The following CPB1 variants were observed in gnomAD, a reference collection of about 807,000 sequenced individuals.
CPB1 encodes the protein carboxypeptidase B.
A neutral mutation model predicts 51.4 loss-of-function variants in CPB1; 53 were observed. The ratio of observed to expected loss-of-function variants is 1.03; its 90% CI spans 0.83 to 1.30. CPB1 has a LOEUF of 1.30. Among genes scored for constraint, CPB1 ranks in the 50% most tolerant of loss-of-function variants. The pLI is 0.00. For missense variants in CPB1, 494 were observed against 516.2 expected, an observed-to-expected ratio of 0.96 and a Z score of 0.42; for synonymous variants, 189 against 186.9, an observed-to-expected ratio of 1.01 and a Z score of -0.09.
intron 2 of CPB1, among the ~76,000 whole-genome samples, chr3:148,831,908 T>C (rs1467842341): frequency 6.6e-6 from 1 of 152,204 alleles, no homozygotes; most frequent in African/African-American, 2.4e-5. Flanking sequence ...TCATATTTGG[T>C]GCATTGGTAA....
chr3:148,842,588 C>A (rs980007026), intron 6 of CPB1, among the ~76,000 whole-genome samples: 2 of 152,134 alleles, frequency 1.3e-5, no homozygotes, highest in Non-Finnish European at 2.9e-5. Flanking sequence ...AGAATTACAA[C>A]TAATATATGT....
chr3:148,837,480 GA>G lies in CPB1; in HGVS notation c.272+2875del, dbSNP rs35691600. Among the ~76,000 whole-genome samples the G allele has an allele frequency of 8.0e-3, 764 of 95,646 alleles. 4 individuals carry two copies. Among genetic ancestry groups the G allele is most frequent in the East Asian group, 0.017 (58 of 3,464 alleles). 62.7% of individuals were successfully genotyped at this position (95,646 alleles called of 152,430 possible). On this transcript the variant is annotated intron_variant, in intron 3 of 10. Transcript: ENST00000282957. ...AGTTATCTAATTTGCTTGTGTGTTAGAAAAAAAAAAAAAAAAAGGAGAAGTT... is the reference window on the plus strand; with the variant it reads ...AGTTATCTAATTTGCTTGTGTGTTAGAAAAAAAAAAAAAAAAGGAGAAGTT...
chr3:148,836,423 G>A (rs1409287083), intron 3 of CPB1, among the ~76,000 whole-genome samples: 1 of 152,096 alleles, frequency 6.6e-6, no homozygotes, highest in Non-Finnish European at 1.5e-5. Context: ...AAAAAGATGA[G>A]TTTCTTTGTA....
In CPB1 at chr3:148,860,148, G is replaced by T. The variant is rs984736618; in HGVS notation, c.*146G>T. On this transcript the variant is annotated 3_prime_UTR_variant, in exon 11 of 11. Coordinates refer to ENST00000282957, the MANE Select transcript of CPB1 (RefSeq NM_001871.3). ...TCTATTAAACTAGGTAGATCTTTTC[G>T]TATTGATCATAATAAAAGTGAATCA... The T allele has an allele frequency of 9.9e-6, 7 of 704,576 alleles. No individual in the cohort carries two copies. The Admixed American group carries it at 2.0e-4, about 21-fold the overall frequency. The allele number at this position is 704,576 out of a possible 1,614,324, so 43.6% of individuals were successfully genotyped here.
At chr3:148,830,022 A>G (rs1712687519) in intron 2 of CPB1, among the ~76,000 whole-genome samples, 1 of 152,170 alleles carries the variant, frequency 6.6e-6, no homozygotes, top group African/African-American at 2.4e-5. Flanking sequence ...GCTCTCATCC[A>G]AAACTAAGGT....
rs191902699 is a variant in CPB1, at chr3:148,828,510, G to A, written c.147+433G>A. Among the ~76,000 whole-genome samples the A allele has an allele frequency of 1.2e-3, 181 of 152,196 alleles. 2 individuals carry two copies. Among genetic ancestry groups the A allele is most frequent in the African/African-American group, 4.2e-3 (174 of 41,522 alleles). On this transcript the variant is annotated intron_variant, in intron 2 of 10. Transcript: ENST00000282957. ...TTTCATTCCAAATCAAACAGCTTGG[G>A]TTTTCATGACCTTGATTCAGGTCCC...
chr3:148,843,315 C>T (rs1345967609), intron 6 of CPB1, among the ~76,000 whole-genome samples: 1 of 152,018 alleles, frequency 6.6e-6, no homozygotes, highest in African/African-American at 2.4e-5. Context: ...TTCTTCTGTA[C>T]GTCTAAAATT....
intron 9 of CPB1, among the ~76,000 whole-genome samples, chr3:148,849,984 T>A (rs1713376845): frequency 6.6e-6 from 1 of 151,482 alleles, no homozygotes; most frequent in South Asian, 2.1e-4. Context: ...ATAACATTCA[T>A]CAGAAAGTCT....
chr3:148,840,866 T>C lies in CPB1; in HGVS notation c.373-8T>C, dbSNP rs1576569518. The C allele has an allele frequency of 6.2e-7, 1 of 1,613,630 alleles. No homozygotes were observed. The highest frequency in any genetic ancestry group is 1.3e-5 in the African/African-American group (1 of 75,032). On this transcript the variant is annotated splice_polypyrimidine_tract_variant and splice_region_variant and intron_variant, in intron 4 of 10. Transcript: ENST00000282957. ...CCACATTGATCTACAAATGATTCCA[T>C]TTGGTAGATAGAGGCTTGGACTCAA...
chr3:148,843,311 T>C (rs1167919514), intron 6 of CPB1, among the ~76,000 whole-genome samples: 1 of 152,176 alleles, frequency 6.6e-6, no homozygotes, highest in Non-Finnish European at 1.5e-5. Flanking sequence ...GCAATTCTTC[T>C]GTACGTCTAA....
intron 9 of CPB1, chr3:148,851,731 CTG>C (rs913711852): frequency 2.6e-5 from 4 of 152,290 alleles, no homozygotes; most frequent in African/African-American, 9.7e-5. Context: ...AATGGAGAAA[CTG>C]AAAGATGAAG....
chr3:148,834,357 A>G (rs1409242481), intron 2 of CPB1, 141 bp from the exon 3 acceptor site: 5 of 795,300 alleles, frequency 6.3e-6, no homozygotes, highest in African/African-American at 5.2e-5. Flanking sequence ...ACCCTTGTTC[A>G]CTCAAAGGAA....
chr3:148,845,762 A>G lies in CPB1; in HGVS notation c.981+136A>G, dbSNP rs1037262428. 4.7e-5 allele frequency: 32 copies of G among 684,006 alleles called. No individual in the cohort carries two copies. In the Admixed American group the frequency reaches 8.6e-4, roughly 18 times the overall value. 42.4% of individuals were successfully genotyped at this position (684,006 alleles called of 1,614,324 possible). Reference sequence around the variant, plus strand: ...TTTTGGTAGTAGAATTGAAAAACTTATTACAGATTTATAAGGAATCTGGAG... The same window carrying G: ...TTTTGGTAGTAGAATTGAAAAACTTGTTACAGATTTATAAGGAATCTGGAG... On this transcript the variant is annotated intron_variant, in intron 9 of 10. Transcript: ENST00000282957.
intron 9 of CPB1, chr3:148,857,252 G>T: frequency 2.0e-6 from 1 of 490,632 alleles, no homozygotes; most frequent in Non-Finnish European, 3.7e-6. Flanking sequence ...CTTGGGGAGG[G>T]TATTAGGGAA....
chr3:148,829,653 C>G (rs937985879), intron 2 of CPB1, among the ~76,000 whole-genome samples: 2 of 152,182 alleles, frequency 1.3e-5, no homozygotes, highest in Admixed American at 1.3e-4. Flanking sequence ...AATAACTCTT[C>G]CCCTAACTTT....
intron 3 of CPB1, chr3:148,838,448 A>G (rs959743096): frequency 3.3e-5 from 5 of 151,658 alleles, no homozygotes; most frequent in African/African-American, 4.9e-5. Flanking sequence ...ATATCGAGAC[A>G]TAATTGTCCT....
chr3:148,850,115 TGA>T (rs1440776016), intron 9 of CPB1, among the ~76,000 whole-genome samples: 1 of 152,182 alleles, frequency 6.6e-6, no homozygotes, highest in Admixed American at 6.5e-5. Flanking sequence ...CCCATTCTTT[TGA>T]GAGATATATA....
At chr3:148,832,995 A>T (rs1712786185) in intron 2 of CPB1, among the ~76,000 whole-genome samples, 1 of 152,238 alleles carries the variant, frequency 6.6e-6, no homozygotes, top group African/African-American at 2.4e-5. Context: ...GGTGTTTATT[A>T]GGAACACAAA....
chr3:148,838,730 A>C (rs1372696962), intron 3 of CPB1, among the ~76,000 whole-genome samples: 1 of 152,176 alleles, frequency 6.6e-6, no homozygotes. Flanking sequence ...TAGAATTGAA[A>C]AGGATGTTGG....
Sources: allele counts gnomAD v4.1 joint callset (sites outside exome capture counted in the v4.1 genomes callset), GRCh38; gene constraint gnomAD v4.1.1; transcripts MANE v1.5; gene names NCBI Gene and HGNC (gene_info 2026-07-23, HGNC 2026-07-21).